Variants in AFG2A observed in about 807,000 individuals in gnomAD.
The protein encoded by AFG2A is ATPase family gene 2 protein homolog A.
the AFG2A span, among the ~76,000 whole-genome samples, chr4:123,267,613 TAAG>T: frequency 6.6e-6 from 1 of 152,034 alleles, no homozygotes; most frequent in Non-Finnish European, 1.5e-5. Flanking sequence ...AAAGAATCCT[TAAG>T]GAGCGGTTTT....
chr4:122,958,280 C>G, the AFG2A span, among the ~76,000 whole-genome samples: 1 of 152,184 alleles, frequency 6.6e-6, no homozygotes. Flanking sequence ...CTGATACGGC[C>G]TTTAACTACA....
the AFG2A span, among the ~76,000 whole-genome samples, chr4:123,114,964 C>T: frequency 3.3e-5 from 5 of 152,164 alleles, no homozygotes; most frequent in African/African-American, 7.2e-5. Context: ...GCTGCAATGG[C>T]GGCTCCGAAC....
At chr4:123,223,964 T>G in the AFG2A span, among the ~76,000 whole-genome samples, 5 of 152,232 alleles carry the variant, frequency 3.3e-5, no homozygotes, top group African/African-American at 4.8e-5. Context: ...ATTCTGTGCT[T>G]TTACTGTCAT....
At chr4:123,107,543 C>G in the AFG2A span, among the ~76,000 whole-genome samples, 1 of 152,148 alleles carries the variant, frequency 6.6e-6, no homozygotes, top group Non-Finnish European at 1.5e-5. Flanking sequence ...CACTCTGGGC[C>G]GAGGTCTCCA....
chr4:123,248,428 C>G, the AFG2A span, among the ~76,000 whole-genome samples: 1 of 152,148 alleles, frequency 6.6e-6, no homozygotes, highest in African/African-American at 2.4e-5. Flanking sequence ...TTGAGAATTT[C>G]AAGCTTTAAA....
chr4:123,031,955 G>C, the AFG2A span, among the ~76,000 whole-genome samples: 1 of 152,108 alleles, frequency 6.6e-6, no homozygotes, highest in African/African-American at 2.4e-5. Context: ...TTTGTTATCT[G>C]GGACAGTTAC....
chr4:122,982,172 TTC>T, the AFG2A span, among the ~76,000 whole-genome samples: 4 of 152,148 alleles, frequency 2.6e-5, no homozygotes, highest in Non-Finnish European at 5.9e-5. Flanking sequence ...TTGAGATACA[TTC>T]TGTCTAATGT....
the AFG2A span, among the ~76,000 whole-genome samples, chr4:123,142,863 A>C: frequency 6.6e-6 from 1 of 152,144 alleles, no homozygotes; most frequent in Admixed American, 6.5e-5. Context: ...AATTTATACG[A>C]ATCATTTGGC....
chr4:122,947,499 T>A, the AFG2A span: 1 of 1,598,092 alleles, frequency 6.3e-7, no homozygotes, highest in Non-Finnish European at 8.5e-7. Context: ...GTGAGTGTGG[T>A]TTGCTATGGT....
At chr4:123,048,753 AAG>A in the AFG2A span, among the ~76,000 whole-genome samples, 268 of 152,242 alleles carry the variant, frequency 1.8e-3, 1 homozygote, top group Middle Eastern at 0.014. Flanking sequence ...CATTAGTTCT[AAG>A]AGTCTTTTGG....
the AFG2A span, chr4:122,938,193 G>C: frequency 6.2e-7 from 1 of 1,610,506 alleles, no homozygotes; most frequent in Non-Finnish European, 8.5e-7. Context: ...GGCCCAGAAT[G>C]AAGTGGAAAA....
At chr4:123,142,823 T>C in the AFG2A span, among the ~76,000 whole-genome samples, 2 of 152,146 alleles carry the variant, frequency 1.3e-5, no homozygotes, top group Non-Finnish European at 2.9e-5. Context: ...GATAACTCTT[T>C]TGTAGAAATA....
chr4:123,050,784 G>T, the AFG2A span, among the ~76,000 whole-genome samples: 16 of 147,986 alleles, frequency 1.1e-4, no homozygotes, highest in East Asian at 2.6e-3. Context: ...TCGCCCTTTC[G>T]CCCAGACTGG....
chr4:123,097,161 A>G, the AFG2A span, among the ~76,000 whole-genome samples: 120 of 152,210 alleles, frequency 7.9e-4, no homozygotes, highest in African/African-American at 2.7e-3. Context: ...AGAAAGTTTT[A>G]TGACATGGGG....
chr4:123,186,341 A>G, the AFG2A span, among the ~76,000 whole-genome samples: 7 of 152,210 alleles, frequency 4.6e-5, no homozygotes, highest in Non-Finnish European at 1.0e-4. Context: ...CAGCAATGGA[A>G]AGTTTGAATA....
At chr4:123,312,181 C>G in the AFG2A span, among the ~76,000 whole-genome samples, 3 of 152,130 alleles carry the variant, frequency 2.0e-5, no homozygotes, top group East Asian at 3.9e-4. Context: ...TGAAATAGTA[C>G]AGTAATTAAT....
At chr4:123,250,608 C>T in the AFG2A span, among the ~76,000 whole-genome samples, 1 of 152,096 alleles carries the variant, frequency 6.6e-6, no homozygotes, top group East Asian at 1.9e-4. Context: ...ATTAAAGAGC[C>T]GCCTTCATTT....
chr4:123,109,101 G>C, the AFG2A span, among the ~76,000 whole-genome samples: 1 of 152,156 alleles, frequency 6.6e-6, no homozygotes, highest in Non-Finnish European at 1.5e-5. Context: ...AAGAGAAAGA[G>C]GGAAGATGGA....
the AFG2A span, among the ~76,000 whole-genome samples, chr4:122,942,497 T>G: frequency 2.6e-5 from 4 of 152,016 alleles, no homozygotes; most frequent in African/African-American, 9.7e-5. Context: ...TATCATTTTT[T>G]ATTGCGTCTA....
Sources: allele counts gnomAD v4.1 joint callset (sites outside exome capture counted in the v4.1 genomes callset), GRCh38; gene constraint gnomAD v4.1.1; transcripts MANE v1.5; gene names NCBI Gene and HGNC (gene_info 2026-07-23, HGNC 2026-07-21).